Variants in WDR70 observed in about 807,000 individuals in gnomAD.
The protein encoded by WDR70 is WD repeat-containing protein 70.
In WDR70, 53 loss-of-function variants were observed where a neutral mutation model predicts 88.6. The observed-to-expected ratio is 0.60, with a 90% CI of 0.48 to 0.75. The LOEUF (loss-of-function observed/expected upper bound fraction) is 0.75. WDR70 is among the 30% of genes least tolerant of loss of function. The probability of loss-of-function intolerance (pLI) is 0.00; values close to 1 mark genes in which losing one functional copy is unlikely to be tolerated. For missense variants in WDR70, 610 were observed against 823.2 expected (o/e 0.74, Z 3.17); for synonymous variants, 280 against 270.0 (o/e 1.04, Z -0.36).
At chr5:37,501,715 A>G (rs1740410646) in intron 8 of WDR70, among the ~76,000 whole-genome samples, 1 of 151,850 alleles carries the variant, frequency 6.6e-6, no homozygotes, top group African/African-American at 2.4e-5. Flanking sequence ...TCTCCAATTT[A>G]TGTTTTGGTG....
At chr5:37,613,585 G>A (rs768671675) in intron 10 of WDR70, among the ~76,000 whole-genome samples, 6 of 152,136 alleles carry the variant, frequency 3.9e-5, no homozygotes, top group Non-Finnish European at 7.4e-5. Context: ...TTTTAAAGGG[G>A]GCCTAATAAA....
intron 7 of WDR70, among the ~76,000 whole-genome samples, chr5:37,456,507 AT>A (rs1738844986): frequency 6.6e-6 from 1 of 152,200 alleles, no homozygotes; most frequent in Non-Finnish European, 1.5e-5. Flanking sequence ...AAAGAGTTCC[AT>A]AAATATTTTT....
At chr5:37,751,676 A>G (rs779548091) in intron 17 of WDR70, among the ~76,000 whole-genome samples, 1 of 152,246 alleles carries the variant, frequency 6.6e-6, no homozygotes, top group South Asian at 2.1e-4. Context: ...ATGTGCTTTA[A>G]TGTTTCTTCA....
chr5:37,479,232 T>G (rs1739578528), intron 7 of WDR70, among the ~76,000 whole-genome samples: 3 of 152,064 alleles, frequency 2.0e-5, no homozygotes. Context: ...AGCCAGAAGA[T>G]TTAACAGCTG....
At chr5:37,506,806 C>A in intron 8 of WDR70, 1 of 1,367,732 alleles carries the variant, frequency 7.3e-7, no homozygotes, top group Non-Finnish European at 1.0e-6. Context: ...TATACAGCAA[C>A]CACCTTTCCG....
chr5:37,648,079 T>C (rs991991918), intron 10 of WDR70, among the ~76,000 whole-genome samples: 3 of 152,214 alleles, frequency 2.0e-5, no homozygotes, highest in African/African-American at 7.2e-5. Flanking sequence ...TATTAGGTGT[T>C]ATATGGTATT....
chr5:37,384,835 A>G (rs1237431913), intron 3 of WDR70, among the ~76,000 whole-genome samples: 1 of 151,996 alleles, frequency 6.6e-6, no homozygotes, highest in Non-Finnish European at 1.5e-5. Flanking sequence ...CACATCAACC[A>G]GTTCTCCAAC....
chr5:37,639,839 A>G (rs1042723764), intron 10 of WDR70, among the ~76,000 whole-genome samples: 3 of 152,226 alleles, frequency 2.0e-5, no homozygotes, highest in African/African-American at 7.2e-5. Context: ...ATATCATATT[A>G]AAATAAAACA....
chr5:37,551,034 G>A (rs1408388854), intron 9 of WDR70, among the ~76,000 whole-genome samples: 3 of 152,116 alleles, frequency 2.0e-5, no homozygotes, highest in Non-Finnish European at 4.4e-5. Context: ...GCTGGGTGCA[G>A]TGGCTCACGC....
At chr5:37,719,092 T>C (rs1304245682) in intron 13 of WDR70, among the ~76,000 whole-genome samples, 1 of 152,168 alleles carries the variant, frequency 6.6e-6, no homozygotes, top group African/African-American at 2.4e-5. Flanking sequence ...TTCATAAACA[T>C]GACTTCATGA....
At chr5:37,487,249 T>G (rs1739900913) in intron 8 of WDR70, among the ~76,000 whole-genome samples, 1 of 152,220 alleles carries the variant, frequency 6.6e-6, no homozygotes, top group East Asian at 1.9e-4. Context: ...TAATTGACTT[T>G]ATTTATCTAG....
chr5:37,502,629 G>A (rs372788917), intron 8 of WDR70, among the ~76,000 whole-genome samples: 12 of 152,180 alleles, frequency 7.9e-5, no homozygotes, highest in African/African-American at 2.9e-4. Context: ...TTGCATTGCC[G>A]AAAAGAAATA....
chr5:37,722,441 G>T, intron 14 of WDR70: 1 of 196,052 alleles, frequency 5.1e-6, no homozygotes, highest in Non-Finnish European at 1.1e-5. Context: ...TCTTGTATTT[G>T]AAAAGTGGAC....
chr5:37,415,620 C>T (rs1405980320), intron 5 of WDR70, among the ~76,000 whole-genome samples: 1 of 149,586 alleles, frequency 6.7e-6, no homozygotes, highest in African/African-American at 2.5e-5. Context: ...GGCTGACCCC[C>T]CCCACCTCCC....
intron 5 of WDR70, among the ~76,000 whole-genome samples, chr5:37,419,212 CT>C (rs552848123): frequency 8.1e-4 from 117 of 144,620 alleles, no homozygotes; most frequent in Non-Finnish European, 8.4e-4. Context: ...TAAAGTGTTT[CT>C]TTTTTTTTTT....
chr5:37,654,087 A>G (rs1026344468), intron 10 of WDR70, among the ~76,000 whole-genome samples: 1 of 152,206 alleles, frequency 6.6e-6, no homozygotes, highest in Non-Finnish European at 1.5e-5. Flanking sequence ...ATTTAGTGCT[A>G]TAAATTTTCC....
At chr5:37,533,150 G>A (rs1300406412) in intron 9 of WDR70, among the ~76,000 whole-genome samples, 1 of 152,204 alleles carries the variant, frequency 6.6e-6, no homozygotes, top group Non-Finnish European at 1.5e-5. Flanking sequence ...AGCAGCACCC[G>A]AACCAGTAGA....
At chr5:37,578,135 A>C (rs902627631) in intron 9 of WDR70, among the ~76,000 whole-genome samples, 1 of 152,210 alleles carries the variant, frequency 6.6e-6, no homozygotes, top group African/African-American at 2.4e-5. Flanking sequence ...GTTTCAGTAA[A>C]GTGGCAGAGA....
At chr5:37,626,998 A>G (rs1183080689) in intron 10 of WDR70, among the ~76,000 whole-genome samples, 3 of 151,254 alleles carry the variant, frequency 2.0e-5, no homozygotes, top group African/African-American at 4.9e-5. Flanking sequence ...TTCAAATTTG[A>G]GTCTCTTTTT....
Sources: allele counts gnomAD v4.1 joint callset (sites outside exome capture counted in the v4.1 genomes callset), GRCh38; gene constraint gnomAD v4.1.1; transcripts MANE v1.5; gene names NCBI Gene and HGNC (gene_info 2026-07-23, HGNC 2026-07-21).